PACS2: variants seen among roughly 807,000 people sequenced by gnomAD.
PACS2 encodes phosphofurin acidic cluster sorting protein 2, also known as PACS1-like protein.
PACS2 carries 36 observed loss-of-function variants against 113.0 expected under a neutral mutation model. The ratio of observed to expected loss-of-function variants is 0.32; its 90% CI spans 0.24 to 0.42. The LOEUF (loss-of-function observed/expected upper bound fraction) is 0.42. Ranked by LOEUF, PACS2 falls within the 10% of genes least tolerant of loss-of-function variation. The probability of loss-of-function intolerance (pLI) is 1.00; values close to 1 mark genes in which losing one functional copy is unlikely to be tolerated. For missense variants in PACS2, 1,015 were observed against 1,239.5 expected, an observed-to-expected ratio of 0.82 and a Z score of 2.72; for synonymous variants, 589 against 536.1, an observed-to-expected ratio of 1.10 and a Z score of -1.36.
intron 11 of PACS2, among the ~76,000 whole-genome samples, chr14:105,380,734 T>C (rs1354697426): frequency 6.6e-6 from 1 of 152,176 alleles, no homozygotes; most frequent in African/African-American, 2.4e-5. Flanking sequence ...AGTCAGGTCC[T>C]GGGAGGTTGG....
At chr14:105,311,523 G>A (rs1595528183), upstream of PACS2, among the ~76,000 whole-genome samples, 1 of 152,190 alleles carries the variant, frequency 6.6e-6, no homozygotes, top group South Asian at 2.1e-4. Context: ...CCAAAGTGCT[G>A]GGATTACAGG....
intron 19 of PACS2, chr14:105,389,635 C>T (rs782153921): frequency 7.2e-5 from 27 of 376,440 alleles, no homozygotes; most frequent in Non-Finnish European, 1.2e-4. Context: ...GGGCGTCGGG[C>T]ACCTAGGATG....
intron 2 of PACS2, 46 bp from the exon 3 acceptor site, chr14:105,352,332 C>G: frequency 2.4e-6 from 3 of 1,251,580 alleles, no homozygotes; most frequent in Non-Finnish European, 3.5e-6. Context: ...TGGTTTCCTG[C>G]TGATATGCAG....
intron 4 of PACS2, among the ~76,000 whole-genome samples, chr14:105,362,922 A>C (rs2060787203): frequency 6.6e-6 from 1 of 152,222 alleles, no homozygotes; most frequent in Non-Finnish European, 1.5e-5. Flanking sequence ...TCGTGTGAGC[A>C]GCCATGAAAA....
At chr14:105,381,825 T>C (rs1198023707) in intron 12 of PACS2, 89 bp from the exon 13 acceptor site, 4 of 1,211,712 alleles carry the variant, frequency 3.3e-6, no homozygotes, top group Non-Finnish European at 4.6e-6. Flanking sequence ...CCCACCACAA[T>C]GTGTAGGCCA....
At chr14:105,383,632 T>TGGTGTGGCGC in intron 16 of PACS2, 119 bp downstream of exon 16, 1 of 947,260 alleles carries the variant, frequency 1.1e-6, no homozygotes, top group Non-Finnish European at 1.5e-6. Context: ...CGGTGTGTCG[T>TGGTGTGGCGC]GGTGTGGCGC....
rs2060353164 is a variant in PACS2 at position 105,354,464 on chromosome 14, T to C, written c.298-588T>C. Among the ~76,000 whole-genome samples, 2 of 152,182 alleles carry C rather than the reference T, an allele frequency of 1.3e-5. No homozygotes were observed. Among genetic ancestry groups the C allele is most frequent in the Admixed American group, 1.3e-4 (2 of 15,288 alleles). ...TCAGGCATGTCAGCACCACCGCAGT[T>C]AGGGTGGTGAACAGCCCCATTTTCC... On this transcript the variant is annotated intron_variant, in intron 3 of 24. Transcript: ENST00000447393. This position sits in a 1 kb window ranked among gnomAD's most constrained non-coding sequence, Gnocchi z 4.2.
intron 4 of PACS2, among the ~76,000 whole-genome samples, chr14:105,364,503 G>A (rs1260999926): frequency 1.3e-5 from 2 of 149,754 alleles, no homozygotes; most frequent in African/African-American, 4.9e-5. Flanking sequence ...CGGGTGCGCG[G>A]TGGGCGGTGG....
chr14:105,375,960 C>T (rs781817398), intron 8 of PACS2, among the ~76,000 whole-genome samples: 4 of 152,204 alleles, frequency 2.6e-5, no homozygotes, highest in African/African-American at 4.8e-5. Context: ...CACAGTTCAG[C>T]ATGGCTGGGG....
chr14:105,383,682 G>A (rs2141253289), intron 16 of PACS2, 169 bp downstream of exon 16: 3 of 594,630 alleles, frequency 5.0e-6, no homozygotes, highest in East Asian at 5.9e-5. Flanking sequence ...CTACACATTT[G>A]TTGTTTTTAA....
rs963097103 is a variant in PACS2, at chr14:105,315,227, C to T, written c.119+190C>T. 1.0e-5 allele frequency: 2 copies of T among 196,734 alleles called. No individual in the cohort carries two copies. Among genetic ancestry groups the T allele is most frequent in the Non-Finnish European group, 1.9e-5 (2 of 105,478 alleles). The allele number at this position is 196,734 out of a possible 1,614,324, so 12.2% of individuals were successfully genotyped here. On this transcript the variant is annotated intron_variant, in intron 1 of 24. Coordinates refer to ENST00000447393, the MANE Select transcript of PACS2 (RefSeq NM_001100913.3). The surrounding 1 kb of genome is among the most constrained non-coding windows in gnomAD (Gnocchi z 4.4). Reference sequence around the variant, plus strand: ...AGCTCCGGCAAGCGCGGCCCCAGCCCCCCAGGTCCCGAGCACCGGGGGCCG... The same window carrying T: ...AGCTCCGGCAAGCGCGGCCCCAGCCTCCCAGGTCCCGAGCACCGGGGGCCG...
In PACS2 at chr14:105,368,104, T is replaced by G. The variant is rs1555408390; in HGVS notation, c.617T>G (p.Phe206Cys). The G allele has an allele frequency of 6.2e-7, 1 of 1,611,094 alleles. No homozygotes were observed. Among genetic ancestry groups the G allele is most frequent in the Admixed American group, 1.7e-5 (1 of 60,016 alleles). ...DNYSEEEYES[F>C]SSEQEASDDA... is the part of the protein sequence containing the mutation. ...TACTCCGAGGAGGAGTATGAGAGCT[T>G]CTCCTCCGAGCAGGAGGCCAGTGAC... Residue 206 changes from phenylalanine (F) to cysteine (C), a missense_variant, in exon 6 of 25, where the codon TTC becomes TGC. Coordinates refer to ENST00000447393, the MANE Select transcript of PACS2 (RefSeq NM_001100913.3).
At chr14:105,339,114 G>A (rs1351369961) in intron 1 of PACS2, among the ~76,000 whole-genome samples, 1 of 152,198 alleles carries the variant, frequency 6.6e-6, no homozygotes, top group Non-Finnish European at 1.5e-5. Context: ...TTGGCCCCTT[G>A]ATGTTTATGG....
intron 1 of PACS2, among the ~76,000 whole-genome samples, chr14:105,318,161 G>C (rs1462515824): frequency 6.6e-6 from 1 of 152,184 alleles, no homozygotes; most frequent in Non-Finnish European, 1.5e-5. Flanking sequence ...TGTTGTTGTT[G>C]TTGCAGAGAC....
intron 2 of PACS2, among the ~76,000 whole-genome samples, chr14:105,351,896 C>G (rs1441995624): frequency 6.6e-6 from 1 of 152,148 alleles, no homozygotes; most frequent in Non-Finnish European, 1.5e-5. Context: ...GAGGCACATG[C>G]CTGTAAGGCT....
At chr14:105,327,321 C>T (rs977786155) in intron 1 of PACS2, among the ~76,000 whole-genome samples, 1 of 152,212 alleles carries the variant, frequency 6.6e-6, no homozygotes, top group African/African-American at 2.4e-5. Flanking sequence ...GCGGCCAGGT[C>T]AGTGCCTGCC....
intron 1 of PACS2, among the ~76,000 whole-genome samples, chr14:105,316,242 C>T (rs1006237026): frequency 6.6e-6 from 1 of 152,248 alleles, no homozygotes; most frequent in African/African-American, 2.4e-5. Flanking sequence ...CATATGAGAC[C>T]TAAGGGTCAG....
chr14:105,324,564 C>T lies in PACS2; in HGVS notation c.119+9527C>T, dbSNP rs1051745224. Among the ~76,000 whole-genome samples, 7 of 152,194 alleles carry T rather than the reference C, an allele frequency of 4.6e-5. No individual in the cohort carries two copies. Among genetic ancestry groups the T allele is most frequent in the African/African-American group, 1.2e-4 (5 of 41,456 alleles). On this transcript the variant is annotated intron_variant, in intron 1 of 24. Coordinates refer to ENST00000447393, the MANE Select transcript of PACS2 (RefSeq NM_001100913.3). The surrounding 1 kb of genome is among the most constrained non-coding windows in gnomAD (Gnocchi z 4.7). The stretch of plus-strand genomic sequence containing the variant: ...TAAAAATAGCCGAGCGCTGAGAGGC[C>T]GTCCCTTTCTGCTCCGCAGGCGCGC...
At chr14:105,390,360 A>C in intron 20 of PACS2, 1 of 327,170 alleles carries the variant, frequency 3.1e-6, no homozygotes, top group Non-Finnish European at 5.9e-6. Flanking sequence ...TAGGAGCCCA[A>C]GGCCCCGGGA....
Sources: gnomAD v4.1 joint callset for allele counts (sites outside exome capture counted in the v4.1 genomes callset) on GRCh38, gnomAD v4.1.1 for gene constraint, Gnocchi (gnomAD v3.1) non-coding constraint, MANE v1.5 for transcripts, NCBI Gene and HGNC (gene_info 2026-07-23, HGNC 2026-07-21) for gene names.